NEB: variants seen among roughly 807,000 people sequenced by gnomAD.
NEB encodes nemaline myopathy type 2.
A neutral mutation model predicts 952.2 loss-of-function variants in NEB; 512 were observed. That is an observed-to-expected ratio of 0.54 (90% CI 0.50 to 0.58). The LOEUF (loss-of-function observed/expected upper bound fraction) is 0.58, where lower values mean the gene tolerates loss of function less well. Among genes scored for constraint, NEB ranks in the 20% least tolerant of loss-of-function variants. The pLI, the probability that NEB is intolerant of heterozygous loss-of-function variation, is 0.00. For synonymous variants in NEB, 2,900 were observed against 3,149.8 expected, an observed-to-expected ratio of 0.92 and a Z score of 2.66; for missense variants, 8,428 against 9,231.1, an observed-to-expected ratio of 0.91 and a Z score of 3.56.
chr2:151,658,205 C>A, intron 47 of NEB, 115 bp from the exon 48 acceptor site: 1 of 687,064 alleles, frequency 1.5e-6, no homozygotes, highest in Non-Finnish European at 2.4e-6. Flanking sequence ...CAGAATGCTT[C>A]GTTGGTGCTT....
intron 19 of NEB, 21 bp from the exon 20 acceptor site, chr2:151,694,457 C>T: frequency 6.2e-7 from 1 of 1,612,822 alleles, no homozygotes; most frequent in Non-Finnish European, 8.5e-7. Context: ...ATCACACATG[C>T]CAGATTCCAC....
chr2:151,547,596 T>A, intron 132 of NEB, 38 bp downstream of exon 132: 5 of 1,603,810 alleles, frequency 3.1e-6, no homozygotes, highest in Non-Finnish European at 4.3e-6. Context: ...CATTCATCCC[T>A]AGTCTCTACT....
chr2:151,521,705 A>T (rs1418187443), intron 153 of NEB, among the ~76,000 whole-genome samples: 2 of 152,186 alleles, frequency 1.3e-5, no homozygotes, highest in African/African-American at 4.8e-5. Flanking sequence ...AATCCCATTG[A>T]TTCCACTTCA....
At chr2:151,673,076 C>T (rs929376042) in intron 36 of NEB, among the ~76,000 whole-genome samples, 2 of 152,154 alleles carry the variant, frequency 1.3e-5, no homozygotes, top group Non-Finnish European at 1.5e-5. Context: ...TATAGGATAG[C>T]TGGGCCTTCA....
At chr2:151,518,522 G>A in intron 155 of NEB, 100 bp from the exon 156 acceptor site, 1 of 749,486 alleles carries the variant, frequency 1.3e-6, no homozygotes, top group Non-Finnish European at 2.3e-6. Flanking sequence ...CCATTGTCAA[G>A]ATCAAACTAA....
Position 151,665,480 on chromosome 2 carries a change from C to G in NEB, c.5091G>C (p.Glu1697Asp), listed in dbSNP as rs1349969572. 3.1e-6 allele frequency: 5 copies of G among 1,612,804 alleles called. No individual in the cohort carries two copies. In the African/African-American group the frequency reaches 6.7e-5, roughly 22 times the overall value. The change falls in exon 42 of 182, where the codon GAG becomes GAC. Residue 1697 changes from glutamate (E) to aspartate (D), a missense_variant. By Grantham distance (45) the Glu-to-Asp change is conservative. Transcript: ENST00000397345. ...TCTTTGCCTTCTCCACCTCCAGGGA[C>G]TCTATGGGCACCCAGCCGATCCCTT... ...WMKGIGWVPIESLEVEKAKKA... is the reference protein window; with the variant it reads ...WMKGIGWVPIDSLEVEKAKKA...
intron 47 of NEB, among the ~76,000 whole-genome samples, chr2:151,658,342 T>C (rs552094328): frequency 1.3e-5 from 2 of 152,320 alleles, no homozygotes; most frequent in East Asian, 3.9e-4. Flanking sequence ...GTTGTAAATA[T>C]ACTTTAAAAA....
intron 138 of NEB, among the ~76,000 whole-genome samples, 167 bp from the exon 139 acceptor site, chr2:151,538,411 A>G (rs1217367603): frequency 4.6e-5 from 7 of 152,230 alleles, no homozygotes; most frequent in Non-Finnish European, 1.0e-4. Context: ...ACACTAGGGA[A>G]AACTAATGAA....
chr2:151,546,006 A>T lies in NEB; in HGVS notation c.20467-8T>A. ...AGTGTATAGGTAATTAGACTTAAAA[A>T]AAAAAAAAAAAACAGAAATACAAGT... On this transcript the variant is annotated splice_polypyrimidine_tract_variant and splice_region_variant and intron_variant, in intron 134 of 181. Coordinates refer to ENST00000397345, the MANE Select transcript of NEB (RefSeq NM_001164508.2). 1 of 1,431,598 alleles carries T rather than the reference A, an allele frequency of 7.0e-7. No individual in the cohort carries two copies. Among genetic ancestry groups the T allele is most frequent in the Non-Finnish European group, 9.6e-7 (1 of 1,040,100 alleles). 88.7% of individuals were successfully genotyped at this position (1,431,598 alleles called of 1,614,324 possible).
At chr2:151,524,252 C>T in intron 153 of NEB, 59 bp downstream of exon 153, 3 of 1,401,604 alleles carry the variant, frequency 2.1e-6, no homozygotes, top group Non-Finnish European at 3.0e-6. Flanking sequence ...TCACTTCTTC[C>T]TGCAAGGTCT....
At chr2:151,534,577 A>G (rs1050550088) in intron 142 of NEB, among the ~76,000 whole-genome samples, 5 of 152,246 alleles carry the variant, frequency 3.3e-5, no homozygotes, top group Non-Finnish European at 1.5e-5. Flanking sequence ...CCATCTTTGC[A>G]TATGATGCCA....
chr2:151,505,001 C>G, intron 165 of NEB, among the ~76,000 whole-genome samples: 2 of 152,024 alleles, frequency 1.3e-5, no homozygotes, highest in East Asian at 3.9e-4. Flanking sequence ...CACATGTCTA[C>G]CCAGGGTCTT....
chr2:151,495,348 A>C (rs2059504120), intron 173 of NEB: 1 of 152,246 alleles, frequency 6.6e-6, no homozygotes, highest in Non-Finnish European at 1.5e-5. Flanking sequence ...GAACTTGTTA[A>C]AAATGCAAAT....
Position 151,490,095 on chromosome 2 carries a change from A to C in NEB, c.25298-18T>G. The C allele has an allele frequency of 6.4e-7, 1 of 1,564,656 alleles. No individual in the cohort carries two copies. Among genetic ancestry groups the C allele is most frequent in the Non-Finnish European group, 8.8e-7 (1 of 1,142,664 alleles). ...TTTGTAAGCTGAAAAAAAGGGGGCA[A>C]ATTCTTTATAAGAAGAAAAATGGCT... is the stretch of plus-strand genomic sequence containing the variant. On this transcript the variant is annotated intron_variant, in intron 180 of 181. Coordinates refer to ENST00000397345, the MANE Select transcript of NEB (RefSeq NM_001164508.2).
In NEB at chr2:151,671,227, A is replaced by T; in HGVS notation, c.4302T>A (p.Asn1434Lys). ...TRNVNQIQSD[N>K]VYKDEYNSFL... is the part of the protein sequence containing the mutation. ...AGCTGTTATACTCGTCTTTATACAC[A>T]TTCTGTAAAAGGGTAAGCTAATATG... Residue 1434 changes from asparagine to lysine, a missense_variant and splice_region_variant, in exon 38 of 182, where the codon AAT (asparagine) becomes AAA (lysine). Around this residue, in one of 11 missense-constraint regions of NEB, gnomAD observed 2,851 missense variants for 2,791.5 expected, o/e 1.02. Transcript: ENST00000397345. 6.2e-7 allele frequency: 1 copy of T among 1,611,398 alleles called. No individual in the cohort carries two copies. Among genetic ancestry groups the T allele is most frequent in the Non-Finnish European group, 8.5e-7 (1 of 1,177,742 alleles).
intron 32 of NEB, among the ~76,000 whole-genome samples, chr2:151,678,470 T>A (rs922105029): frequency 2.6e-5 from 4 of 152,226 alleles, no homozygotes; most frequent in African/African-American, 9.7e-5. Flanking sequence ...CAGATCTTTA[T>A]ATTCTTCCTT....
chr2:151,667,173 T>C lies in NEB; in HGVS notation c.4719+631A>G, dbSNP rs149515371. ...CTGGTTTTCCATATTTCTATTTCCA[T>C]GGATTTTTTTTCTTCATGGAAATTA... On this transcript the variant is annotated intron_variant, in intron 40 of 181. Coordinates refer to ENST00000397345, the MANE Select transcript of NEB (RefSeq NM_001164508.2). Among the ~76,000 whole-genome samples the C allele has an allele frequency of 3.9e-4, 59 of 152,024 alleles. 1 individual carries two copies. Among genetic ancestry groups the C allele is most frequent in the African/African-American group, 1.3e-3 (55 of 41,518 alleles).
In NEB at chr2:151,518,377, T is replaced by C. The variant is rs747100627; in HGVS notation, c.22741A>G (p.Thr7581Ala). ...AGCTGCTCCAGATTATCGGGTATGG[T>C]GTGGTAGTGGCCTTTACTCTTCTCA... ...KYEKSKGHYH[T>A]IPDNLEQLHL... The change falls in exon 156 of 182, where the codon ACC becomes GCC. Residue 7581 changes from threonine to alanine, a missense_variant. By Grantham distance (58) the Thr-to-Ala change is moderately conservative (BLOSUM62 0). This residue lies in a region of NEB where 3,374 missense variants were observed against 3,651.5 expected (regional missense o/e 0.92). Coordinates refer to ENST00000397345, the MANE Select transcript of NEB (RefSeq NM_001164508.2). The C allele has an allele frequency of 3.1e-6, 5 of 1,612,550 alleles. No individual in the cohort carries two copies. The highest frequency in any genetic ancestry group is 3.4e-6 in the Non-Finnish European group (4 of 1,178,770).
rs547589242 is a variant in NEB, at chr2:151,689,260, A to G, written c.2311-864T>C. 1.3e-3 allele frequency: 177 copies of G among 132,740 alleles called. 2 individuals carry two copies. Among genetic ancestry groups the G allele is most frequent in the African/African-American group, 4.5e-3 (157 of 34,596 alleles). 8.2% of individuals were successfully genotyped at this position (132,740 alleles called of 1,614,324 possible). ...GGCTCCATCACCCAGGCTGGAGTAC[A>G]GTGACACAATCTCGGCTCACTGCAA... is the stretch of plus-strand genomic sequence containing the variant. On this transcript the variant is annotated intron_variant, in intron 24 of 181. Transcript: ENST00000397345.
Sources: allele counts gnomAD v4.1 joint callset (sites outside exome capture counted in the v4.1 genomes callset), GRCh38; gene constraint gnomAD v4.1.1; regional missense constraint gnomAD v4.1.1; transcripts MANE v1.5; gene names NCBI Gene and HGNC (gene_info 2026-07-23, HGNC 2026-07-21).